Variants in XKR6 observed in about 807,000 individuals in gnomAD.
XKR6 encodes the protein XK-related protein 6.
A neutral mutation model predicts 56.7 loss-of-function variants in XKR6; 22 were observed. The ratio of observed to expected loss-of-function variants is 0.39; its 90% CI spans 0.28 to 0.55. The LOEUF (loss-of-function observed/expected upper bound fraction) is 0.55. XKR6 is among the 20% of genes least tolerant of loss of function. The pLI is 0.66. For missense variants in XKR6, 852 were observed against 889.0 expected, an observed-to-expected ratio of 0.96 and a Z score of 0.53; for synonymous variants, 524 against 387.8, an observed-to-expected ratio of 1.35 and a Z score of -4.13.
intron 1 of XKR6, among the ~76,000 whole-genome samples, chr8:10,951,222 G>C (rs1441728478): frequency 6.6e-6 from 1 of 151,558 alleles, no homozygotes; most frequent in Non-Finnish European, 1.5e-5. Context: ...TGAGCAAATA[G>C]TGATGGAAAC....
intron 1 of XKR6, among the ~76,000 whole-genome samples, chr8:10,928,503 T>C (rs1268861507): frequency 1.3e-5 from 2 of 152,168 alleles, no homozygotes; most frequent in East Asian, 3.9e-4. Flanking sequence ...CAGTTTCCTG[T>C]GTGTAAAATC....
intron 1 of XKR6, among the ~76,000 whole-genome samples, chr8:11,119,717 G>A (rs919525738): frequency 6.6e-6 from 1 of 151,986 alleles, no homozygotes; most frequent in African/African-American, 2.4e-5. Flanking sequence ...CGTGAGATGG[G>A]TTTCCTGAAT....
At chr8:11,160,727 C>A (rs1184578632) in intron 1 of XKR6, among the ~76,000 whole-genome samples, 2 of 151,786 alleles carry the variant, frequency 1.3e-5, no homozygotes, top group African/African-American at 4.8e-5. Flanking sequence ...GGCCAACAGG[C>A]TGAAACCCCG....
intron 1 of XKR6, among the ~76,000 whole-genome samples, chr8:11,022,930 G>A (rs780845280): frequency 1.3e-5 from 2 of 152,162 alleles, no homozygotes; most frequent in Non-Finnish European, 2.9e-5. Flanking sequence ...ACTCAAGGCC[G>A]TGACCCACAG....
chr8:11,184,378 T>C (rs1226969554), intron 1 of XKR6, among the ~76,000 whole-genome samples: 3 of 137,484 alleles, frequency 2.2e-5, no homozygotes, highest in African/African-American at 9.3e-5. Context: ...TATATATATA[T>C]ATACACACAT....
At chr8:11,046,405 A>C (rs1473965275) in intron 1 of XKR6, among the ~76,000 whole-genome samples, 4 of 152,162 alleles carry the variant, frequency 2.6e-5, no homozygotes, top group Admixed American at 2.6e-4. Context: ...GTCTCAAAAG[A>C]AGAAAAAGAA....
intron 1 of XKR6, among the ~76,000 whole-genome samples, chr8:11,059,276 C>A (rs1799765988): frequency 6.6e-6 from 1 of 151,864 alleles, no homozygotes; most frequent in Non-Finnish European, 1.5e-5. Context: ...GTCCTGGCGC[C>A]TCAGAAATCT....
chr8:10,954,479 T>C (rs1386356103), intron 1 of XKR6, among the ~76,000 whole-genome samples: 2 of 152,250 alleles, frequency 1.3e-5, no homozygotes, highest in Non-Finnish European at 2.9e-5. Context: ...AAATGTCTAT[T>C]GAAATCTTTT....
intron 1 of XKR6, among the ~76,000 whole-genome samples, chr8:10,929,486 C>T (rs1237520668): frequency 1.3e-5 from 2 of 152,256 alleles, no homozygotes; most frequent in East Asian, 1.9e-4. Flanking sequence ...CTCCTGCCCA[C>T]GCACCTCCCA....
chr8:10,975,311 C>G (rs1406206137), intron 1 of XKR6, among the ~76,000 whole-genome samples: 3 of 152,228 alleles, frequency 2.0e-5, no homozygotes, highest in African/African-American at 7.2e-5. Context: ...AGCGACTTCT[C>G]CAAGCAAAGA....
chr8:11,130,770 G>A (rs912606433), intron 1 of XKR6, among the ~76,000 whole-genome samples: 1 of 152,034 alleles, frequency 6.6e-6, no homozygotes, highest in Non-Finnish European at 1.5e-5. Flanking sequence ...ATGCCACACA[G>A]GGGGCCTTTG....
At chr8:10,928,245 G>A (rs1480439664) in intron 1 of XKR6, among the ~76,000 whole-genome samples, 1 of 152,306 alleles carries the variant, frequency 6.6e-6, no homozygotes, top group Admixed American at 6.5e-5. Context: ...GACCTTGCTT[G>A]TCCACCACAA....
chr8:10,925,048 C>CA (rs1563291824), intron 1 of XKR6, among the ~76,000 whole-genome samples: 88 of 152,240 alleles, frequency 5.8e-4, no homozygotes, highest in African/African-American at 2.1e-3. Flanking sequence ...AAGGATTTGA[C>CA]CCCTCGTGGA....
intron 1 of XKR6, among the ~76,000 whole-genome samples, chr8:11,188,023 T>G (rs1254354839): frequency 6.6e-6 from 1 of 152,162 alleles, no homozygotes; most frequent in Non-Finnish European, 1.5e-5. Context: ...CTGGCCTTAA[T>G]CCTGTTTTTT....
intron 1 of XKR6, among the ~76,000 whole-genome samples, chr8:11,182,516 C>T (rs1006571410): frequency 3.3e-5 from 5 of 152,148 alleles, no homozygotes; most frequent in African/African-American, 1.2e-4. Context: ...GTGGCCAGGA[C>T]ACTGATAAGA....
chr8:11,063,392 G>C (rs1563112573), intron 1 of XKR6, among the ~76,000 whole-genome samples: 1 of 151,808 alleles, frequency 6.6e-6, no homozygotes, highest in South Asian at 2.1e-4. Context: ...TAGCTACTTG[G>C]GAGGCTGAGG....
intron 1 of XKR6, among the ~76,000 whole-genome samples, chr8:11,199,802 T>C (rs1369598213): frequency 6.6e-6 from 1 of 152,114 alleles, no homozygotes; most frequent in Non-Finnish European, 1.5e-5. Context: ...TAAATATAAA[T>C]CACTTACACA....
intron 1 of XKR6, among the ~76,000 whole-genome samples, chr8:11,002,155 G>A (rs1382389942): frequency 6.6e-6 from 1 of 151,350 alleles, no homozygotes; most frequent in Non-Finnish European, 1.5e-5. Context: ...TTTGTCAAAG[G>A]CATCACCCTG....
At chr8:11,163,410 T>C (rs2117018799) in intron 1 of XKR6, among the ~76,000 whole-genome samples, 1 of 152,282 alleles carries the variant, frequency 6.6e-6, no homozygotes, top group Admixed American at 6.5e-5. Flanking sequence ...CTTGTCACCA[T>C]TATCATTTCC....
Sources: allele counts gnomAD v4.1 joint callset (sites outside exome capture counted in the v4.1 genomes callset), GRCh38; gene constraint gnomAD v4.1.1; transcripts MANE v1.5; gene names NCBI Gene and HGNC (gene_info 2026-07-23, HGNC 2026-07-21).